Variants in TSPEAR observed in about 807,000 individuals in gnomAD.
TSPEAR encodes thrombospondin-type laminin G domain and EAR repeat-containing protein.
TSPEAR carries 69 observed loss-of-function variants against 71.6 expected under a neutral mutation model. The ratio of observed to expected loss-of-function variants is 0.96; its 90% confidence interval spans 0.79 to 1.18. TSPEAR has a LOEUF of 1.18. Ranked by LOEUF, TSPEAR falls within the 50% of genes most tolerant of loss-of-function variation. TSPEAR has a pLI of 0.00. For synonymous variants in TSPEAR, 402 were observed against 387.2 expected (o/e 1.04, Z -0.45); for missense variants, 971 against 894.9 (o/e 1.09, Z -1.09).
Position 44,503,077 on chromosome 21 carries a change from T to A in TSPEAR, c.1856+1703A>T, listed in dbSNP as rs1419444681. The stretch of plus-strand genomic sequence containing the variant: ...GGAGGAAGCTGGCCTCGGTGAGCCC[T>A]CAGGGGGAAGCAAGACTCTGGGAGG... On this transcript the variant is annotated intron_variant, in intron 11 of 11. Coordinates refer to ENST00000323084, the MANE Select transcript of TSPEAR (RefSeq NM_144991.3). 1.3e-3 allele frequency among the ~76,000 whole-genome samples: 165 copies of A among 122,680 alleles called. 1 individual carries two copies. The highest frequency in any genetic ancestry group is 1.7e-3 in the Admixed American group (20 of 12,090). 80.5% of individuals were successfully genotyped at this position (122,680 alleles called of 152,430 possible). A position where few individuals can be genotyped will look rare whatever the true frequency, so the allele number is the denominator to read the frequency against.
intron 1 of TSPEAR, chr21:44,628,052 G>A (rs376402427): frequency 8.4e-5 from 135 of 1,610,040 alleles, no homozygotes; most frequent in Non-Finnish European, 1.1e-4. Flanking sequence ...AGCTGCTGAC[G>A]GTCATGTCCC....
At chr21:44,677,545 T>C (rs1555947118) in intron 1 of TSPEAR, 5 of 848,216 alleles carry the variant, frequency 5.9e-6, no homozygotes, top group South Asian at 5.7e-5. Flanking sequence ...CGTTCCCTTA[T>C]AGAAGATGAG....
At chr21:44,628,177 C>T (rs1983007224) in intron 1 of TSPEAR, 15 of 1,227,516 alleles carry the variant, frequency 1.2e-5, no homozygotes, top group Non-Finnish European at 1.7e-5. Flanking sequence ...GCCGCCCAGC[C>T]CCGGGGTCTC....
chr21:44,700,516 G>T (rs1987600054), intron 1 of TSPEAR, among the ~76,000 whole-genome samples: 1 of 152,178 alleles, frequency 6.6e-6, no homozygotes, highest in African/African-American at 2.4e-5. Flanking sequence ...AGTGAGAGGG[G>T]CCTGGAGGCC....
rs782673035 is a variant in TSPEAR, at chr21:44,680,715, AG to A, written c.82+30717del. Among the ~76,000 whole-genome samples the A allele has an allele frequency of 5.9e-5, 9 of 152,390 alleles. No individual in the cohort carries two copies. In the South Asian group the frequency reaches 1.9e-3, roughly 32 times the overall value. ...ATGGAATCTTATTCGGCCATAAAAAAGAATGAAGTCCTGCCATTTGCAGCAA... is the reference window on the plus strand; with the variant it reads ...ATGGAATCTTATTCGGCCATAAAAAAAATGAAGTCCTGCCATTTGCAGCAA... On this transcript the variant is annotated intron_variant, in intron 1 of 11. Coordinates refer to ENST00000323084, the MANE Select transcript of TSPEAR (RefSeq NM_144991.3).
At chr21:44,690,596 AG>A in intron 1 of TSPEAR, 4 of 985,498 alleles carry the variant, frequency 4.1e-6, no homozygotes, top group Non-Finnish European at 3.6e-6. Context: ...ACGCTTTCAA[AG>A]ATGAGCATGC....
intron 9 of TSPEAR, among the ~76,000 whole-genome samples, chr21:44,510,412 C>T (rs1452098069): frequency 2.0e-5 from 3 of 152,338 alleles, no homozygotes; most frequent in Admixed American, 1.3e-4. Context: ...GAGAGCCTCC[C>T]GTGACAGCAA....
In TSPEAR at chr21:44,527,504, C is replaced by A. The variant is rs782026298; in HGVS notation, c.937G>T (p.Asp313Tyr). 1.2e-6 allele frequency: 2 copies of A among 1,614,196 alleles called. No individual in the cohort carries two copies. Among genetic ancestry groups the A allele is most frequent in the Admixed American group, 3.3e-5 (2 of 60,030 alleles). The change falls in exon 7 of 12, where the codon GAC (aspartate) becomes TAC (tyrosine). Residue 313 changes from aspartate to tyrosine, a missense_variant. By Grantham distance (160) the Asp-to-Tyr change is radical. Coordinates refer to ENST00000323084, the MANE Select transcript of TSPEAR (RefSeq NM_144991.3). ...AAGTTCTGATGCTCCTCCACGTAGT[C>A]CAGTCTTTCTTTGGCTTGTGATAGA... is the stretch of plus-strand genomic sequence containing the variant. ...VSVLAAKERL[D>Y]YVEEHQNLST...
In TSPEAR at chr21:44,669,724, C is replaced by T. The variant is rs117483397; in HGVS notation, c.82+41709G>A. Among the ~76,000 whole-genome samples the T allele has an allele frequency of 2.5e-3, 379 of 152,326 alleles. 3 individuals are homozygous for T. In the East Asian group the frequency reaches 0.053, roughly 21 times the overall value. ...TCTCCTCCTCGGCTTACGGATCACCCGCAGGAGGTGGCGTGCCTTGTTGGG... is the reference window on the plus strand; with the variant it reads ...TCTCCTCCTCGGCTTACGGATCACCTGCAGGAGGTGGCGTGCCTTGTTGGG... On this transcript the variant is annotated intron_variant, in intron 1 of 11. Transcript: ENST00000323084.
At chr21:44,654,900 G>A (rs1477999629) in intron 1 of TSPEAR, among the ~76,000 whole-genome samples, 1 of 152,140 alleles carries the variant, frequency 6.6e-6, no homozygotes, top group Non-Finnish European at 1.5e-5. Context: ...CTGTCAGTGA[G>A]GCCAGGGGCC....
chr21:44,706,566 G>T (rs1473196081), intron 1 of TSPEAR, among the ~76,000 whole-genome samples: 1 of 152,186 alleles, frequency 6.6e-6, no homozygotes, highest in African/African-American at 2.4e-5. Context: ...CGCAGCACTC[G>T]CTAAACGCTT....
At chr21:44,643,659 A>G (rs1238945412) in intron 1 of TSPEAR, among the ~76,000 whole-genome samples, 1 of 152,230 alleles carries the variant, frequency 6.6e-6, no homozygotes, top group Non-Finnish European at 1.5e-5. Context: ...CATAAAATAG[A>G]AGCAGAAAAG....
At chr21:44,626,067 G>A (rs1263875753) in intron 1 of TSPEAR, among the ~76,000 whole-genome samples, 4 of 152,182 alleles carry the variant, frequency 2.6e-5, no homozygotes, top group Non-Finnish European at 4.4e-5. Flanking sequence ...ATGAGAGGCC[G>A]TTTCCAGCTT....
chr21:44,529,409 G>A (rs921570025), intron 5 of TSPEAR, among the ~76,000 whole-genome samples: 19 of 152,334 alleles, frequency 1.2e-4, no homozygotes, highest in African/African-American at 4.3e-4. Flanking sequence ...ATGATGGTGG[G>A]ACAGAGGCGG....
intron 9 of TSPEAR, among the ~76,000 whole-genome samples, chr21:44,512,914 C>CG (rs1402451400): frequency 6.6e-6 from 1 of 152,066 alleles, no homozygotes; most frequent in Admixed American, 6.5e-5. Flanking sequence ...CCTGGGGGGC[C>CG]GGGGGCGGCT....
chr21:44,693,860 C>G (rs1987217954), intron 1 of TSPEAR, among the ~76,000 whole-genome samples: 3 of 152,130 alleles, frequency 2.0e-5, no homozygotes. Context: ...AAGAGAGAGG[C>G]TCAAATAGAT....
chr21:44,635,861 C>T (rs1382572066), intron 1 of TSPEAR, among the ~76,000 whole-genome samples: 3 of 152,140 alleles, frequency 2.0e-5, no homozygotes, highest in Non-Finnish European at 4.4e-5. Flanking sequence ...AAGAATGAAG[C>T]CCCTCGCTCT....
chr21:44,601,411 G>C, intron 1 of TSPEAR: 1 of 1,612,330 alleles, frequency 6.2e-7, no homozygotes, highest in South Asian at 1.1e-5. Context: ...AAGCCAGCAG[G>C]GCTGCTGCGT....
chr21:44,581,413 A>G lies in TSPEAR; in HGVS notation c.83-13408T>C, dbSNP rs782654672. Reference sequence around the variant, plus strand: ...CTGGTTTTAAGTCAGAATTATTATTATAAATAATAACAAAAAATCTGTTTT... The same window carrying G: ...CTGGTTTTAAGTCAGAATTATTATTGTAAATAATAACAAAAAATCTGTTTT... On this transcript the variant is annotated intron_variant, in intron 1 of 11. Transcript: ENST00000323084. Among the ~76,000 whole-genome samples, 118 of 152,340 alleles carry G rather than the reference A, an allele frequency of 7.7e-4. 1 individual carries two copies. Among genetic ancestry groups the G allele is most frequent in the Admixed American group, 1.2e-3 (19 of 15,306 alleles).
Sources: allele counts gnomAD v4.1 joint callset (sites outside exome capture counted in the v4.1 genomes callset), GRCh38; gene constraint gnomAD v4.1.1; transcripts MANE v1.5; gene names NCBI Gene and HGNC (gene_info 2026-07-23, HGNC 2026-07-21).